Variants in FAT3 observed in about 807,000 individuals in gnomAD.
The protein encoded by FAT3 is protocadherin Fat 3.
FAT3 carries 95 observed loss-of-function variants against 310.2 expected under a neutral mutation model. The ratio of observed to expected loss-of-function variants is 0.31; its 90% CI spans 0.26 to 0.36. FAT3 has a LOEUF of 0.36. FAT3 is among the 10% of genes least tolerant of loss of function. The pLI is 1.00. For missense variants in FAT3, 5,408 were observed against 5,715.6 expected (o/e 0.95, Z 1.74); for synonymous variants, 2,314 against 2,192.9 (o/e 1.06, Z -1.54).
intron 3 of FAT3, among the ~76,000 whole-genome samples, chr11:92,586,692 A>G (rs1424059642): frequency 6.6e-6 from 1 of 152,000 alleles, no homozygotes; most frequent in Non-Finnish European, 1.5e-5. Flanking sequence ...GGATTACTAA[A>G]CTCTACTAAT....
chr11:92,420,275 G>T (rs1028702334), intron 2 of FAT3, among the ~76,000 whole-genome samples: 1 of 152,164 alleles, frequency 6.6e-6, no homozygotes, highest in African/African-American at 2.4e-5. Context: ...ACTTATGGAT[G>T]ATAATTATAA....
At chr11:92,852,713 A>G (rs1251025084) in intron 19 of FAT3, among the ~76,000 whole-genome samples, 3 of 152,152 alleles carry the variant, frequency 2.0e-5, no homozygotes, top group African/African-American at 7.2e-5. Context: ...TGTACTTATA[A>G]TATTTATATT....
intron 3 of FAT3, among the ~76,000 whole-genome samples, chr11:92,655,735 C>T (rs1439023623): frequency 6.6e-6 from 1 of 152,140 alleles, no homozygotes; most frequent in Non-Finnish European, 1.5e-5. Context: ...CCCTCTCTGC[C>T]TGTATTCAGC....
intron 24 of FAT3, among the ~76,000 whole-genome samples, chr11:92,884,760 T>C (rs570069810): frequency 6.6e-6 from 1 of 152,170 alleles, no homozygotes; most frequent in African/African-American, 2.4e-5. Context: ...ACCCGAGAGA[T>C]GTCTGGCTCT....
intron 1 of FAT3, among the ~76,000 whole-genome samples, chr11:92,253,896 G>C (rs1291817544): frequency 6.6e-6 from 1 of 152,118 alleles, no homozygotes; most frequent in African/African-American, 2.4e-5. Context: ...AGATCACATT[G>C]CAAATTCCTA....
chr11:92,854,357 G>T (rs1049104523), intron 19 of FAT3, among the ~76,000 whole-genome samples: 4 of 152,124 alleles, frequency 2.6e-5, no homozygotes, highest in African/African-American at 9.7e-5. Flanking sequence ...AGCTGTGGCT[G>T]GGCAGCTGTG....
intron 3 of FAT3, among the ~76,000 whole-genome samples, chr11:92,531,918 T>C (rs1954088657): frequency 6.6e-6 from 1 of 152,144 alleles, no homozygotes; most frequent in Non-Finnish European, 1.5e-5. Flanking sequence ...CTCTGCTAGA[T>C]GCCAGGGTCA....
chr11:92,257,594 C>G (rs1865367594), intron 1 of FAT3, among the ~76,000 whole-genome samples: 1 of 152,094 alleles, frequency 6.6e-6, no homozygotes, highest in South Asian at 2.1e-4. Flanking sequence ...CTGTAAACTC[C>G]TGGCCTTCTC....
chr11:92,295,303 C>G (rs1478831791), intron 1 of FAT3, among the ~76,000 whole-genome samples: 1 of 152,074 alleles, frequency 6.6e-6, no homozygotes, highest in East Asian at 1.9e-4. Flanking sequence ...CTGCCAAGAG[C>G]ACTTATGGAA....
chr11:92,698,264 T>C (rs1001421903), intron 4 of FAT3, among the ~76,000 whole-genome samples: 10 of 151,532 alleles, frequency 6.6e-5, no homozygotes, highest in African/African-American at 2.4e-4. Flanking sequence ...CAAACACACA[T>C]ACACACACAC....
At chr11:92,829,576 C>G (rs1948188362) in intron 13 of FAT3, among the ~76,000 whole-genome samples, 1 of 152,084 alleles carries the variant, frequency 6.6e-6, no homozygotes, top group Non-Finnish European at 1.5e-5. Flanking sequence ...GTGTATTCAC[C>G]TCAGGAATTC....
intron 2 of FAT3, among the ~76,000 whole-genome samples, chr11:92,401,187 G>T (rs1172636638): frequency 1.3e-5 from 2 of 152,140 alleles, no homozygotes; most frequent in Non-Finnish European, 2.9e-5. Context: ...TTGATGAATT[G>T]CTGGAAACTG....
intron 13 of FAT3, among the ~76,000 whole-genome samples, chr11:92,815,622 T>C (rs1399581131): frequency 2.6e-5 from 4 of 152,094 alleles, no homozygotes; most frequent in Non-Finnish European, 5.9e-5. Context: ...AAAGCCAGAT[T>C]GAGATTTCAG....
intron 2 of FAT3, among the ~76,000 whole-genome samples, chr11:92,398,500 CAAAAAAAAAAA>C (rs35977408): frequency 0.075 from 6,091 of 80,910 alleles, 511 homozygotes; most frequent in African/African-American, 0.24. Context: ...AACTCCGTCC[CAAAAAAAAAAA>C]AAAAAAAAAA....
intron 2 of FAT3, among the ~76,000 whole-genome samples, chr11:92,355,823 C>T (rs568672966): frequency 6.6e-6 from 1 of 152,112 alleles, no homozygotes; most frequent in South Asian, 2.1e-4. Flanking sequence ...GGAATCTTTC[C>T]CTTTACAGTA....
chr11:92,688,532 A>C (rs564381010), intron 3 of FAT3, among the ~76,000 whole-genome samples: 8 of 152,244 alleles, frequency 5.3e-5, no homozygotes, highest in Admixed American at 5.2e-4. Context: ...AAAAATACCT[A>C]TGCCTAGGCT....
intron 3 of FAT3, among the ~76,000 whole-genome samples, chr11:92,611,724 G>A (rs1355397645): frequency 6.6e-6 from 1 of 152,096 alleles, no homozygotes; most frequent in Admixed American, 6.6e-5. Context: ...ATACTCCAGT[G>A]GTATAGGAAT....
rs781607497 is a variant in FAT3, at chr11:92,354,230, G to A, written c.2118G>A (p.Leu706=). The part of the protein sequence containing the change: ...LLIKAKANGK[L]NLEDGFLDFY... ...TTAAGGCAAAAGCAAATGGGAAACTGAATCTGGAAGATGGATTTCTTGACT... is the reference window on the plus strand; with the variant it reads ...TTAAGGCAAAAGCAAATGGGAAACTAAATCTGGAAGATGGATTTCTTGACT... Residue 706 remains leucine (L), a synonymous_variant, in exon 2 of 28, where the codon CTG becomes CTA. Coordinates refer to ENST00000525166, the MANE Select transcript of FAT3 (RefSeq NM_001367949.2). 5.0e-6 allele frequency: 8 copies of A among 1,613,650 alleles called. No homozygotes were observed. The African/African-American group carries it at 1.1e-4, about 22-fold the overall frequency.
chr11:92,603,511 C>T (rs887627633), intron 3 of FAT3, among the ~76,000 whole-genome samples: 6 of 152,164 alleles, frequency 3.9e-5, no homozygotes, highest in African/African-American at 1.2e-4. Context: ...TCACAAGTTC[C>T]ACATGTCTCA....
Sources: gnomAD v4.1 joint callset for allele counts (sites outside exome capture counted in the v4.1 genomes callset) on GRCh38, gnomAD v4.1.1 for gene constraint, MANE v1.5 for transcripts, NCBI Gene and HGNC (gene_info 2026-07-23, HGNC 2026-07-21) for gene names.